The following CD2AP variants were observed in gnomAD, a reference collection of about 807,000 sequenced individuals.
The protein encoded by CD2AP is CD2 associated protein.
A neutral mutation model predicts 85.1 loss-of-function variants in CD2AP; 46 were observed. The ratio of observed to expected loss-of-function variants is 0.54; its 90% CI spans 0.43 to 0.69. CD2AP has a LOEUF of 0.69. Ranked by LOEUF, CD2AP falls within the 30% of genes least tolerant of loss-of-function variation. The pLI is 0.00. For missense variants in CD2AP, 769 were observed against 729.5 expected, an observed-to-expected ratio of 1.05 and a Z score of -0.62; for synonymous variants, 255 against 252.9, an observed-to-expected ratio of 1.01 and a Z score of -0.08.
At chr6:47,610,971 A>ATATATATATATATATATATATATATATAT in intron 16 of CD2AP, among the ~76,000 whole-genome samples, 6 of 112,862 alleles carry the variant, frequency 5.3e-5, no homozygotes, top group South Asian at 5.7e-4. Flanking sequence ...ATATATATGT[A>ATATATATATATATATATATATATATATAT]TTTTTTTTTT....
chr6:47,510,962 A>T (rs913497021), intron 2 of CD2AP, among the ~76,000 whole-genome samples: 1 of 150,884 alleles, frequency 6.6e-6, no homozygotes, highest in Non-Finnish European at 1.5e-5. Context: ...AGTCCCAGCT[A>T]CTCAGGAAGC....
intron 5 of CD2AP, 87 bp from the exon 6 acceptor site, chr6:47,573,977 A>C (rs528212824): frequency 9.0e-7 from 1 of 1,117,094 alleles, no homozygotes; most frequent in African/African-American, 1.5e-5. Context: ...TTTTATTAGA[A>C]GGCATATAGA....
intron 6 of CD2AP, 118 bp downstream of exon 6, chr6:47,574,369 T>C (rs762237115): frequency 3.4e-4 from 303 of 903,034 alleles, no homozygotes; most frequent in Middle Eastern, 6.5e-4. Context: ...ACTAATAATT[T>C]GGTTATGAAT....
chr6:47,481,319 A>G (rs1053116259), intron 1 of CD2AP, among the ~76,000 whole-genome samples: 7 of 152,114 alleles, frequency 4.6e-5, no homozygotes, highest in African/African-American at 1.7e-4. Context: ...TATATAAAAC[A>G]TATCAGTCAT....
Position 47,533,591 on chromosome 6 carries a change from C to T in CD2AP, c.166-11C>T. 1 of 1,612,462 alleles carries T rather than the reference C, an allele frequency of 6.2e-7. No individual in the cohort carries two copies. The highest frequency in any genetic ancestry group is 8.5e-7 in the Non-Finnish European group (1 of 1,179,284). ...CTTAACTTGCCTCTTTATTTATTTT[C>T]CCTTTTGTAGGAAATTAAAAGAGAG... On this transcript the variant is annotated splice_polypyrimidine_tract_variant and intron_variant, in intron 2 of 17. Transcript: ENST00000359314.
intron 4 of CD2AP, among the ~76,000 whole-genome samples, chr6:47,549,289 T>A (rs1767449668): frequency 6.6e-6 from 1 of 151,926 alleles, no homozygotes; most frequent in Non-Finnish European, 1.5e-5. Flanking sequence ...GATATGATCG[T>A]TTACCTTGAA....
chr6:47,524,747 G>A (rs148520057), intron 2 of CD2AP, among the ~76,000 whole-genome samples: 1 of 152,176 alleles, frequency 6.6e-6, no homozygotes, highest in African/African-American at 2.4e-5. Context: ...TCTGAATACA[G>A]GAGGAATAGT....
intron 2 of CD2AP, among the ~76,000 whole-genome samples, chr6:47,525,710 A>G (rs4711881): frequency 0.61 from 93,031 of 151,898 alleles, 29,223 homozygotes; most frequent in Middle Eastern, 0.74. Context: ...ATACCCTTTA[A>G]CTTCCCCCAC....
chr6:47,516,186 T>G (rs557027185), intron 2 of CD2AP, among the ~76,000 whole-genome samples: 1 of 152,264 alleles, frequency 6.6e-6, no homozygotes, highest in African/African-American at 2.4e-5. Flanking sequence ...AAGGAAAGAC[T>G]ACATCCTTTC....
chr6:47,591,657 CTCA>C, intron 11 of CD2AP, among the ~76,000 whole-genome samples: 1 of 152,136 alleles, frequency 6.6e-6, no homozygotes, highest in African/African-American at 2.4e-5. Flanking sequence ...GACATTGACC[CTCA>C]TCTGAATTAA....
intron 2 of CD2AP, among the ~76,000 whole-genome samples, chr6:47,527,034 T>C (rs960811952): frequency 6.6e-6 from 1 of 152,196 alleles, no homozygotes; most frequent in Non-Finnish European, 1.5e-5. Context: ...TATTTGTGTA[T>C]CTTTCATGTT....
chr6:47,549,030 A>C (rs2114052854), intron 4 of CD2AP, among the ~76,000 whole-genome samples: 1 of 152,278 alleles, frequency 6.6e-6, no homozygotes, highest in African/African-American at 2.4e-5. Flanking sequence ...CTCTCAGCAA[A>C]ATTGGCATAT....
At chr6:47,597,948 C>T (rs184487559) in intron 12 of CD2AP, among the ~76,000 whole-genome samples, 1 of 151,068 alleles carries the variant, frequency 6.6e-6, no homozygotes, top group Non-Finnish European at 1.5e-5. Flanking sequence ...GGTGTCTCTT[C>T]TTACCACATG....
At chr6:47,611,449 T>C (rs1202284703) in intron 16 of CD2AP, among the ~76,000 whole-genome samples, 2 of 151,888 alleles carry the variant, frequency 1.3e-5, no homozygotes, top group African/African-American at 4.8e-5. Context: ...ATATTTTATT[T>C]CTTTACTTGG....
At chr6:47,575,334 CTCTA>C (rs144577231) in intron 6 of CD2AP, among the ~76,000 whole-genome samples, 210 of 152,300 alleles carry the variant, frequency 1.4e-3, no homozygotes, top group Non-Finnish European at 2.6e-3. Context: ...CCCCTTCTAA[CTCTA>C]AAGCTTAGGA....
intron 2 of CD2AP, among the ~76,000 whole-genome samples, chr6:47,511,520 G>C (rs1303097869): frequency 6.6e-6 from 1 of 152,208 alleles, no homozygotes; most frequent in Non-Finnish European, 1.5e-5. Flanking sequence ...TAATGTACCA[G>C]TGTTAATTTC....
rs530435819 is a variant in CD2AP, at chr6:47,579,701, T to C, written c.1008+212T>C. 11 of 516,556 alleles carry C rather than the reference T, an allele frequency of 2.1e-5. No homozygotes were observed. The East Asian group carries it at 3.8e-4, about 18-fold the overall frequency. 32.0% of individuals were successfully genotyped at this position (516,556 alleles called of 1,614,324 possible). On this transcript the variant is annotated intron_variant, in intron 9 of 17. Coordinates refer to ENST00000359314, the MANE Select transcript of CD2AP (RefSeq NM_012120.3). ...TCCTTTGTTTCTTTCTCGACTGTACTGAAAAATAACCTTAGACTTCTTTAT... is the reference window on the plus strand; with the variant it reads ...TCCTTTGTTTCTTTCTCGACTGTACCGAAAAATAACCTTAGACTTCTTTAT...
intron 2 of CD2AP, among the ~76,000 whole-genome samples, chr6:47,527,596 T>C (rs752990081): frequency 3.0e-4 from 46 of 152,196 alleles, no homozygotes; most frequent in South Asian, 8.3e-4. Context: ...TGAATTGATA[T>C]GCTAGCTTGA....
At chr6:47,537,453 A>G (rs561395509) in intron 3 of CD2AP, among the ~76,000 whole-genome samples, 1 of 152,168 alleles carries the variant, frequency 6.6e-6, no homozygotes, top group South Asian at 2.1e-4. Flanking sequence ...CTAACTTTCT[A>G]TTTTATTTGG....
Sources: gnomAD v4.1 joint callset for allele counts (sites outside exome capture counted in the v4.1 genomes callset) on GRCh38, gnomAD v4.1.1 for gene constraint, MANE v1.5 for transcripts, NCBI Gene and HGNC (gene_info 2026-07-23, HGNC 2026-07-21) for gene names.